The following LRRC28 variants were observed in gnomAD, a reference collection of about 807,000 sequenced individuals.
LRRC28 encodes the protein leucine rich repeat containing 28.
LRRC28 carries 39 observed loss-of-function variants against 45.7 expected under a neutral mutation model. The ratio of observed to expected loss-of-function variants is 0.85; its 90% confidence interval spans 0.66 to 1.12. LRRC28 has a LOEUF of 1.12. LRRC28 is among the 50% of genes most tolerant of loss of function. LRRC28 has a pLI of 0.00. For missense variants in LRRC28, 435 were observed against 438.5 expected (o/e 0.99, Z 0.07); for synonymous variants, 206 against 178.8 (o/e 1.15, Z -1.22).
intron 6 of LRRC28, among the ~76,000 whole-genome samples, chr15:99,344,734 A>G (rs546264032): frequency 6.6e-6 from 1 of 152,344 alleles, no homozygotes; most frequent in Admixed American, 6.5e-5. Context: ...GTCAGCTCTT[A>G]TTTAACTGTA....
chr15:99,289,381 A>G (rs1567630085), intron 5 of LRRC28, among the ~76,000 whole-genome samples: 3 of 152,226 alleles, frequency 2.0e-5, no homozygotes, highest in Non-Finnish European at 4.4e-5. Flanking sequence ...AGTAAAACCA[A>G]CTCGAGAACA....
chr15:99,317,942 G>T (rs1955655877), intron 5 of LRRC28, among the ~76,000 whole-genome samples: 2 of 152,078 alleles, frequency 1.3e-5, no homozygotes, highest in Admixed American at 6.6e-5. Context: ...ACAAAAGATT[G>T]GTAGAACACA....
intron 3 of LRRC28, chr15:99,286,622 C>T (rs2152207871): frequency 6.6e-6 from 1 of 152,364 alleles, no homozygotes; most frequent in African/African-American, 2.4e-5. Flanking sequence ...GTGCTAAAGA[C>T]ACTGTAGTGG....
chr15:99,348,714 A>G (rs1956773962), intron 6 of LRRC28, among the ~76,000 whole-genome samples: 1 of 149,616 alleles, frequency 6.7e-6, no homozygotes, highest in African/African-American at 2.4e-5. Context: ...TTTCTGTCTC[A>G]GTATTGCTTT....
At position 99,389,684 on chromosome 15, in the gene LRRC28, T is replaced by C. The variant is rs1264846924; in HGVS notation, c.*3582T>C. ...CCCTGCCTGTTTTATTATGCCTTCATTTTTGTGGTTTTCATTCACTCCTGC... is the reference window on the plus strand; with the variant it reads ...CCCTGCCTGTTTTATTATGCCTTCACTTTTGTGGTTTTCATTCACTCCTGC... On this transcript the variant is annotated 3_prime_UTR_variant, in exon 10 of 10. Transcript: ENST00000301981. 1 of 152,184 alleles carries C rather than the reference T, an allele frequency of 6.6e-6. No homozygotes were observed. Among genetic ancestry groups the C allele is most frequent in the East Asian group, 1.9e-4 (1 of 5,200 alleles). 9.4% of individuals were successfully genotyped at this position (152,184 alleles called of 1,614,324 possible).
chr15:99,363,241 C>T lies in LRRC28; in HGVS notation c.1007C>T (p.Thr336Met), dbSNP rs754326200. The T allele has an allele frequency of 1.2e-5, 19 of 1,613,872 alleles. No homozygotes were observed. Among genetic ancestry groups the T allele is most frequent in the Non-Finnish European group, 1.2e-5 (14 of 1,179,910 alleles). ...VYPKLFPLRETPMAGLHQWKT... is the reference protein window; with the variant it reads ...VYPKLFPLREMPMAGLHQWKT... ...CCCAAGCTCTTTCCCTTGAGAGAGACGCCAATGGCAGGGCTGCACCAGTGG... is the reference window on the plus strand; with the variant it reads ...CCCAAGCTCTTTCCCTTGAGAGAGATGCCAATGGCAGGGCTGCACCAGTGG... The change falls in exon 9 of 10, where the codon ACG becomes ATG. Residue 336 changes from threonine (T) to methionine (M), a missense_variant. Thr to Met is a moderately conservative substitution (Grantham distance 81). Coordinates refer to ENST00000301981, the MANE Select transcript of LRRC28 (RefSeq NM_144598.5).
intron 6 of LRRC28, among the ~76,000 whole-genome samples, chr15:99,344,127 T>G (rs1481782962): frequency 2.6e-5 from 4 of 152,178 alleles, no homozygotes; most frequent in Non-Finnish European, 5.9e-5. Context: ...CTCTTTGTAT[T>G]CAGAAGCAAG....
intron 3 of LRRC28, 72 bp downstream of exon 3, chr15:99,276,688 A>T: frequency 2.5e-6 from 3 of 1,202,828 alleles, no homozygotes; most frequent in South Asian, 3.6e-5. Context: ...ATAATAGGAT[A>T]TGTCATCTTA....
intron 5 of LRRC28, among the ~76,000 whole-genome samples, chr15:99,302,270 G>A (rs1597289151): frequency 6.6e-6 from 1 of 151,996 alleles, no homozygotes; most frequent in Non-Finnish European, 1.5e-5. Flanking sequence ...CTCATGATCT[G>A]CCCGCCTCGG....
chr15:99,269,587 A>G (rs2081420351), intron 2 of LRRC28, among the ~76,000 whole-genome samples: 1 of 152,174 alleles, frequency 6.6e-6, no homozygotes, highest in South Asian at 2.1e-4. Context: ...TGTTTTTAGT[A>G]GAGACGGGTT....
At chr15:99,337,699 A>T (rs1956370881) in intron 6 of LRRC28, among the ~76,000 whole-genome samples, 1 of 152,192 alleles carries the variant, frequency 6.6e-6, no homozygotes, top group Non-Finnish European at 1.5e-5. Context: ...TTTGAGGAGG[A>T]TGCCTTATGG....
intron 3 of LRRC28, among the ~76,000 whole-genome samples, chr15:99,284,048 T>G (rs1437432430): frequency 6.6e-6 from 1 of 152,190 alleles, no homozygotes; most frequent in African/African-American, 2.4e-5. Context: ...ACATCACAGA[T>G]TAGGAGAGAG....
chr15:99,277,011 G>T (rs1180569032), intron 3 of LRRC28, among the ~76,000 whole-genome samples: 1 of 152,026 alleles, frequency 6.6e-6, no homozygotes, highest in Non-Finnish European at 1.5e-5. Context: ...CTCTTTTCCT[G>T]CATCCTCCAC....
At chr15:99,308,312 ATACT>A (rs1402664815) in intron 5 of LRRC28, among the ~76,000 whole-genome samples, 2 of 152,178 alleles carry the variant, frequency 1.3e-5, no homozygotes, top group Admixed American at 6.5e-5. Context: ...GTTAACATAA[ATACT>A]TAATCTTTAA....
rs144913659 is a variant in LRRC28, at chr15:99,252,621, A to G, written c.-61+1080A>G. 4.0e-3 allele frequency among the ~76,000 whole-genome samples: 602 copies of G among 152,312 alleles called. 5 individuals carry two copies. Among genetic ancestry groups the G allele is most frequent in the African/African-American group, 0.014 (576 of 41,572 alleles). On this transcript the variant is annotated intron_variant, in intron 1 of 9. Transcript: ENST00000301981. The stretch of plus-strand genomic sequence containing the variant: ...CTACAAAACGGGCTACATAATGTCT[A>G]TTGCAGTGCATGGTTGTAAAGATTA...
intron 1 of LRRC28, among the ~76,000 whole-genome samples, chr15:99,255,078 G>A (rs1413105542): frequency 1.3e-5 from 2 of 152,128 alleles, no homozygotes; most frequent in African/African-American, 2.4e-5. Context: ...ACAAAGAGGC[G>A]AGGCATCGTG....
intron 9 of LRRC28, among the ~76,000 whole-genome samples, chr15:99,372,398 G>C (rs753743414): frequency 7.2e-5 from 11 of 152,158 alleles, no homozygotes; most frequent in Admixed American, 2.0e-4. Context: ...CTTAACTGTA[G>C]AGCTTATTGC....
chr15:99,317,030 GT>G (rs936639525), intron 5 of LRRC28, among the ~76,000 whole-genome samples: 10 of 150,708 alleles, frequency 6.6e-5, no homozygotes, highest in East Asian at 2.0e-4. Context: ...GGTGGGGAAG[GT>G]TTTTTTTAAA....
chr15:99,275,174 A>T (rs1490823930), intron 2 of LRRC28, among the ~76,000 whole-genome samples: 1 of 152,204 alleles, frequency 6.6e-6, no homozygotes, highest in Admixed American at 6.5e-5. Context: ...ACTGGCTTTC[A>T]GTTATTTACA....
Sources: allele counts gnomAD v4.1 joint callset (sites outside exome capture counted in the v4.1 genomes callset), GRCh38; gene constraint gnomAD v4.1.1; transcripts MANE v1.5; gene names NCBI Gene and HGNC (gene_info 2026-07-23, HGNC 2026-07-21).